The following FGF12 variants were observed in gnomAD, a reference collection of about 807,000 sequenced individuals.
FGF12 encodes the protein fibroblast growth factor 12.
A neutral mutation model predicts 23.6 loss-of-function variants in FGF12; 14 were observed. That is an observed-to-expected ratio of 0.59 (90% CI 0.39 to 0.93). The LOEUF (loss-of-function observed/expected upper bound fraction) is 0.93, where lower values mean the gene tolerates loss of function less well. FGF12 is among the 40% of genes least tolerant of loss of function. The pLI is 0.00. For missense variants in FGF12, 175 were observed against 217.8 expected, an observed-to-expected ratio of 0.80 and a Z score of 1.24; for synonymous variants, 62 against 77.3, an observed-to-expected ratio of 0.80 and a Z score of 1.04.
intron 2 of FGF12, among the ~76,000 whole-genome samples, chr3:192,561,641 C>T (rs538132306): frequency 2.2e-4 from 34 of 152,278 alleles, no homozygotes; most frequent in African/African-American, 6.7e-4. Flanking sequence ...GGATTACAGG[C>T]GTGAGCCACC....
rs571838857 is a variant in FGF12, at chr3:192,608,994, C to T, written c.13+118187G>A. Among the ~76,000 whole-genome samples, 4 of 152,172 alleles carry T rather than the reference C, an allele frequency of 2.6e-5. No homozygotes were observed. The South Asian group carries it at 8.3e-4, about 32-fold the overall frequency. On this transcript the variant is annotated intron_variant, in intron 2 of 5. Coordinates refer to ENST00000445105, the MANE Select transcript of FGF12 (RefSeq NM_004113.6). Reference sequence around the variant, plus strand: ...CATTTGGCTGAGCTATAATGGGCATCCAGCTTAAGGGACAGAATCTGTAGT... The same window carrying T: ...CATTTGGCTGAGCTATAATGGGCATTCAGCTTAAGGGACAGAATCTGTAGT...
intron 3 of FGF12, among the ~76,000 whole-genome samples, chr3:192,342,964 T>A (rs1717764843): frequency 6.6e-6 from 1 of 150,764 alleles, no homozygotes; most frequent in African/African-American, 2.4e-5. Flanking sequence ...CAAGAAAGTT[T>A]CAAAGAAAGA....
At chr3:192,605,626 A>C (rs1165033865) in intron 2 of FGF12, among the ~76,000 whole-genome samples, 1 of 152,212 alleles carries the variant, frequency 6.6e-6, no homozygotes, top group Non-Finnish European at 1.5e-5. Flanking sequence ...GGAATCTATG[A>C]GAAAGCTAAA....
At chr3:192,576,987 A>C (rs756427209) in intron 2 of FGF12, among the ~76,000 whole-genome samples, 2 of 152,166 alleles carry the variant, frequency 1.3e-5, no homozygotes, top group African/African-American at 4.8e-5. Flanking sequence ...TGTCTCACTC[A>C]TAAGTGGGAA....
chr3:192,425,169 C>T (rs892714075), intron 2 of FGF12, among the ~76,000 whole-genome samples: 7 of 152,182 alleles, frequency 4.6e-5, no homozygotes, highest in Non-Finnish European at 8.8e-5. Context: ...CTGCTTATCA[C>T]ATGGGAGACA....
At chr3:192,447,048 C>T (rs1722375170) in intron 2 of FGF12, among the ~76,000 whole-genome samples, 1 of 152,172 alleles carries the variant, frequency 6.6e-6, no homozygotes, top group Non-Finnish European at 1.5e-5. Context: ...TTTCCTAATA[C>T]TCTTAATTTT....
intron 2 of FGF12, among the ~76,000 whole-genome samples, chr3:192,589,794 G>A (rs1436537267): frequency 1.3e-5 from 2 of 151,862 alleles, no homozygotes; most frequent in Non-Finnish European, 2.9e-5. Flanking sequence ...ACTGATGCTC[G>A]GAGGACACAA....
At chr3:192,638,653 G>C (rs143471569) in intron 2 of FGF12, among the ~76,000 whole-genome samples, 1 of 152,336 alleles carries the variant, frequency 6.6e-6, no homozygotes, top group African/African-American at 2.4e-5. Flanking sequence ...CCACGGATTT[G>C]AAAGTTCTTT....
intron 4 of FGF12, among the ~76,000 whole-genome samples, chr3:192,289,448 G>C (rs976063710): frequency 6.6e-5 from 10 of 152,126 alleles, no homozygotes; most frequent in Admixed American, 2.0e-4. Flanking sequence ...AGAATAAAAC[G>C]AGAAGGAACA....
At chr3:192,523,158 G>A (rs932722545) in intron 2 of FGF12, among the ~76,000 whole-genome samples, 3 of 152,162 alleles carry the variant, frequency 2.0e-5, no homozygotes, top group Non-Finnish European at 4.4e-5. Flanking sequence ...GAGACACACA[G>A]GGACTAGAAA....
intron 2 of FGF12, among the ~76,000 whole-genome samples, chr3:192,644,558 G>A (rs1237754361): frequency 6.6e-6 from 1 of 151,998 alleles, no homozygotes; most frequent in Non-Finnish European, 1.5e-5. Context: ...TCACACCTAG[G>A]ACACTGTTGT....
intron 2 of FGF12, among the ~76,000 whole-genome samples, chr3:192,418,354 T>C (rs1029149538): frequency 1.1e-4 from 17 of 152,106 alleles, no homozygotes; most frequent in African/African-American, 4.1e-4. Context: ...AAGACACTCG[T>C]TCAACACAGA....
intron 2 of FGF12, among the ~76,000 whole-genome samples, chr3:192,640,143 C>T (rs529241063): frequency 6.3e-4 from 96 of 152,120 alleles, no homozygotes; most frequent in African/African-American, 2.1e-3. Flanking sequence ...TGTGGTACAA[C>T]ATGAGGACTA....
intron 2 of FGF12, among the ~76,000 whole-genome samples, chr3:192,368,920 C>G (rs972720505): frequency 6.6e-6 from 1 of 152,182 alleles, no homozygotes; most frequent in African/African-American, 2.4e-5. Flanking sequence ...CCCTGCCTTC[C>G]TCCTCTGCCC....
chr3:192,249,080 G>A lies in FGF12; in HGVS notation c.229-78424C>T, dbSNP rs150864078. On this transcript the variant is annotated intron_variant, in intron 4 of 5. Coordinates refer to ENST00000445105, the MANE Select transcript of FGF12 (RefSeq NM_004113.6). Reference sequence around the variant, plus strand: ...ATAATTACATAATGAAGATGGTAGCGAGTTTTTATTATAAGGGCTATGTAA... The same window carrying A: ...ATAATTACATAATGAAGATGGTAGCAAGTTTTTATTATAAGGGCTATGTAA... 7.2e-5 allele frequency among the ~76,000 whole-genome samples: 11 copies of A among 152,206 alleles called. No homozygotes were observed. The East Asian group carries it at 1.5e-3, about 21-fold the overall frequency.
chr3:192,183,658 T>C (rs1207345329), intron 4 of FGF12, among the ~76,000 whole-genome samples: 1 of 152,156 alleles, frequency 6.6e-6, no homozygotes, highest in East Asian at 1.9e-4. Flanking sequence ...TCATAAAAGG[T>C]ACTAAAAAGA....
intron 2 of FGF12, among the ~76,000 whole-genome samples, chr3:192,464,703 G>A (rs185302625): frequency 4.5e-4 from 68 of 152,206 alleles, no homozygotes; most frequent in East Asian, 3.9e-3. Context: ...TTGCTGGACC[G>A]AATGGCAGAA....
intron 2 of FGF12, among the ~76,000 whole-genome samples, chr3:192,466,593 C>T (rs898080291): frequency 1.3e-5 from 2 of 152,158 alleles, no homozygotes; most frequent in Non-Finnish European, 2.9e-5. Flanking sequence ...TCAATTTACT[C>T]CATAATTATA....
intron 2 of FGF12, among the ~76,000 whole-genome samples, chr3:192,631,830 C>T (rs897434100): frequency 6.6e-6 from 1 of 152,176 alleles, no homozygotes; most frequent in Non-Finnish European, 1.5e-5. Flanking sequence ...CCATTTAAAG[C>T]ATGGTCAGGA....
Sources: gnomAD v4.1 joint callset for allele counts (sites outside exome capture counted in the v4.1 genomes callset) on GRCh38, gnomAD v4.1.1 for gene constraint, MANE v1.5 for transcripts, NCBI Gene and HGNC (gene_info 2026-07-23, HGNC 2026-07-21) for gene names.